Variants in NDFIP2 observed in about 807,000 individuals in gnomAD.
NDFIP2 encodes NEDD4 family-interacting protein 2.
Under a neutral mutation model 36.0 loss-of-function variants are expected in NDFIP2, and 19 were observed. The ratio of observed to expected loss-of-function variants is 0.53; its 90% CI spans 0.37 to 0.77. The LOEUF is 0.77. Among genes scored for constraint, NDFIP2 ranks in the 30% least tolerant of loss-of-function variants. NDFIP2 has a pLI of 0.00. For synonymous variants in NDFIP2, 181 were observed against 167.7 expected, an observed-to-expected ratio of 1.08 and a Z score of -0.61; for missense variants, 446 against 435.8, an observed-to-expected ratio of 1.02 and a Z score of -0.21.
intron 3 of NDFIP2, among the ~76,000 whole-genome samples, chr13:79,533,811 G>A (rs948814983): frequency 6.6e-6 from 1 of 152,176 alleles, no homozygotes; most frequent in Non-Finnish European, 1.5e-5. Flanking sequence ...ACAATAGGCT[G>A]TGAGTCGTTA....
intron 2 of NDFIP2, among the ~76,000 whole-genome samples, chr13:79,521,275 A>G (rs1040615082): frequency 1.3e-5 from 2 of 152,144 alleles, no homozygotes; most frequent in East Asian, 3.9e-4. Context: ...CATACATATG[A>G]TAATTACTGA....
chr13:79,508,901 C>T lies in NDFIP2; in HGVS notation c.322-11909C>T, dbSNP rs1873969912. 2.0e-5 allele frequency among the ~76,000 whole-genome samples: 3 copies of T among 152,180 alleles called. No individual in the cohort carries two copies. The South Asian group carries it at 6.2e-4, about 31-fold the overall frequency. On this transcript the variant is annotated intron_variant, in intron 1 of 7. Transcript: ENST00000218652. The stretch of plus-strand genomic sequence containing the variant: ...TACTCTTACTAGCAATAATTCAACT[C>T]CAACTCTCTTCTTTTCCAACATGCA...
chr13:79,504,084 T>G (rs1873768758), intron 1 of NDFIP2, among the ~76,000 whole-genome samples: 1 of 152,218 alleles, frequency 6.6e-6, no homozygotes, highest in Admixed American at 6.5e-5. Flanking sequence ...GAGGAGTTAA[T>G]CATCATATAG....
At chr13:79,525,120 T>C (rs1202776051) in intron 2 of NDFIP2, among the ~76,000 whole-genome samples, 1 of 152,238 alleles carries the variant, frequency 6.6e-6, no homozygotes, top group African/African-American at 2.4e-5. Context: ...GTGTGACCTT[T>C]CTTTATTTGC....
chr13:79,513,346 A>G lies in NDFIP2; in HGVS notation c.322-7464A>G, dbSNP rs531781673. ...AATATTCAAAAAGTTCCATGCCTTA[A>G]TGAAATCAAGATATTATACTATGGA... On this transcript the variant is annotated intron_variant, in intron 1 of 7. Transcript: ENST00000218652. Among the ~76,000 whole-genome samples, 3 of 152,366 alleles carry G rather than the reference A, an allele frequency of 2.0e-5. No individual in the cohort carries two copies. The East Asian group carries it at 5.8e-4, about 29-fold the overall frequency.
chr13:79,500,286 A>G (rs894055932), intron 1 of NDFIP2, among the ~76,000 whole-genome samples: 3 of 152,010 alleles, frequency 2.0e-5, no homozygotes, highest in South Asian at 2.1e-4. Flanking sequence ...AAAAGATAAC[A>G]TAAGAGAAAA....
At chr13:79,539,845 G>A in intron 4 of NDFIP2, 70 bp downstream of exon 4, 1 of 1,247,588 alleles carries the variant, frequency 8.0e-7, no homozygotes, top group South Asian at 1.2e-5. Flanking sequence ...AAGTAACATA[G>A]TGAAGAGAAG....
intron 1 of NDFIP2, among the ~76,000 whole-genome samples, chr13:79,496,557 A>C (rs960864320): frequency 1.3e-5 from 2 of 151,936 alleles, no homozygotes; most frequent in Non-Finnish European, 2.9e-5. Context: ...GGGCTTACTA[A>C]AGTTGAATTT....
At chr13:79,523,442 A>G (rs985626486) in intron 2 of NDFIP2, among the ~76,000 whole-genome samples, 2 of 151,800 alleles carry the variant, frequency 1.3e-5, no homozygotes, top group African/African-American at 2.4e-5. Context: ...CTGGTCTCGA[A>G]CTCCTGACCT....
chr13:79,516,550 T>G (rs891577978), intron 1 of NDFIP2, among the ~76,000 whole-genome samples: 10 of 152,222 alleles, frequency 6.6e-5, no homozygotes, highest in Non-Finnish European at 1.0e-4. Context: ...TTTATCTCAT[T>G]GCAATGACTC....
intron 1 of NDFIP2, among the ~76,000 whole-genome samples, chr13:79,482,490 A>G (rs1323329726): frequency 6.6e-6 from 1 of 152,190 alleles, no homozygotes; most frequent in Admixed American, 6.5e-5. Context: ...TCATTCTACA[A>G]ACTTTCAGCC....
At chr13:79,500,503 A>G (rs1038693076) in intron 1 of NDFIP2, among the ~76,000 whole-genome samples, 3 of 152,050 alleles carry the variant, frequency 2.0e-5, no homozygotes, top group Admixed American at 6.6e-5. Flanking sequence ...AACCCTATTA[A>G]ACAGGACAAA....
intron 7 of NDFIP2, 43 bp from the exon 8 acceptor site, chr13:79,552,473 A>G (rs761334493): frequency 7.2e-5 from 11 of 151,900 alleles, no homozygotes; most frequent in Non-Finnish European, 1.3e-4. Context: ...TTAGATAAAG[A>G]CAACTTAATA....
At chr13:79,491,828 GT>G (rs1873235898) in intron 1 of NDFIP2, among the ~76,000 whole-genome samples, 1 of 152,128 alleles carries the variant, frequency 6.6e-6, no homozygotes, top group South Asian at 2.1e-4. Flanking sequence ...GGGCCATGTT[GT>G]TATGGTTTCT....
At chr13:79,483,003 C>T (rs994851777) in intron 1 of NDFIP2, among the ~76,000 whole-genome samples, 3 of 152,164 alleles carry the variant, frequency 2.0e-5, no homozygotes, top group African/African-American at 4.8e-5. Flanking sequence ...TTCCTACAGA[C>T]GTCACTACCC....
In NDFIP2 at chr13:79,553,109, T is replaced by A. The variant is rs1323860701; in HGVS notation, c.*596T>A. 2 of 151,814 alleles carry A rather than the reference T, an allele frequency of 1.3e-5. No homozygotes were observed. Among genetic ancestry groups the A allele is most frequent in the African/African-American group, 4.8e-5 (2 of 41,398 alleles). 9.4% of individuals were successfully genotyped at this position (151,814 alleles called of 1,614,324 possible). ...CTGTAAATAACCATGCATAACTTAC[T>A]TTCTGCAATGTTTTCTTAGAAATTG... On this transcript the variant is annotated 3_prime_UTR_variant, in exon 8 of 8. Coordinates refer to ENST00000218652, the MANE Select transcript of NDFIP2 (RefSeq NM_019080.3).
At chr13:79,486,142 A>G (rs935645436) in intron 1 of NDFIP2, among the ~76,000 whole-genome samples, 1 of 152,186 alleles carries the variant, frequency 6.6e-6, no homozygotes. Flanking sequence ...CGTATATGCA[A>G]TATTCCAAAA....
chr13:79,510,615 GGGGCTTGGATTGT>G (rs1226245322), intron 1 of NDFIP2, among the ~76,000 whole-genome samples: 1 of 152,090 alleles, frequency 6.6e-6, no homozygotes, highest in African/African-American at 2.4e-5. Context: ...TAGAAAGAAT[GGGGCTTGGATTGT>G]GGGCAAAATA....
chr13:79,500,661 C>G (rs1873630483), intron 1 of NDFIP2, among the ~76,000 whole-genome samples: 1 of 151,986 alleles, frequency 6.6e-6, no homozygotes, highest in Non-Finnish European at 1.5e-5. Flanking sequence ...ACGCTGACAA[C>G]AACAGATTCT....
Sources: gnomAD v4.1 joint callset for allele counts (sites outside exome capture counted in the v4.1 genomes callset) on GRCh38, gnomAD v4.1.1 for gene constraint, MANE v1.5 for transcripts, NCBI Gene and HGNC (gene_info 2026-07-23, HGNC 2026-07-21) for gene names.